Variants in PCDH9 observed in about 807,000 individuals in gnomAD.
The protein encoded by PCDH9 is protocadherin 9.
Under a neutral mutation model 70.6 loss-of-function variants are expected in PCDH9, and 24 were observed. That is an observed-to-expected ratio of 0.34 (90% CI 0.25 to 0.48). The LOEUF is 0.48. PCDH9 is among the 20% of genes least tolerant of loss of function. PCDH9 has a pLI of 0.99. For missense variants in PCDH9, 1,281 were observed against 1,503.6 expected (o/e 0.85, Z 2.45); for synonymous variants, 562 against 558.5 (o/e 1.01, Z -0.09).
intron 2 of PCDH9, among the ~76,000 whole-genome samples, chr13:67,145,421 T>C (rs980525204): frequency 6.6e-6 from 1 of 152,024 alleles, no homozygotes; most frequent in African/African-American, 2.4e-5. Flanking sequence ...TGAGGGATTT[T>C]GTGCACCTCA....
rs919590295 is a variant in PCDH9 at position 66,604,267 on chromosome 13, T to C, written c.3340+26943A>G. ...TTCTTTTTCAGGTTGAAATACATAT[T>C]TTTGTCAATGCACCTGGCTGAACAT... On this transcript the variant is annotated intron_variant, in intron 4 of 4. Coordinates refer to ENST00000377865, the MANE Select transcript of PCDH9 (RefSeq NM_203487.3). 3.3e-5 allele frequency among the ~76,000 whole-genome samples: 5 copies of C among 152,092 alleles called. No individual in the cohort carries two copies. The South Asian group carries it at 1.0e-3, about 32-fold the overall frequency.
intron 3 of PCDH9, among the ~76,000 whole-genome samples, chr13:66,726,945 G>A (rs2079013271): frequency 6.6e-6 from 1 of 152,078 alleles, no homozygotes; most frequent in South Asian, 2.1e-4. Flanking sequence ...AAATTCCTAA[G>A]TATTTGGATT....
intron 2 of PCDH9, among the ~76,000 whole-genome samples, chr13:67,069,077 T>C (rs1369857795): frequency 6.6e-6 from 1 of 152,192 alleles, no homozygotes; most frequent in Non-Finnish European, 1.5e-5. Flanking sequence ...AACATTTATA[T>C]TGAAAGGAAC....
intron 2 of PCDH9, among the ~76,000 whole-genome samples, chr13:66,936,508 A>G (rs1276821307): frequency 6.6e-6 from 1 of 152,208 alleles, no homozygotes; most frequent in Non-Finnish European, 1.5e-5. Flanking sequence ...GTTGGGTGAC[A>G]AAATTAAAAT....
chr13:66,642,420 A>T (rs2077720550), intron 3 of PCDH9, among the ~76,000 whole-genome samples: 1 of 152,050 alleles, frequency 6.6e-6, no homozygotes. Context: ...AGAATTCATC[A>T]TATGCAATTG....
chr13:66,852,958 AAACGCAG>A (rs945987839), intron 3 of PCDH9, among the ~76,000 whole-genome samples: 2 of 152,102 alleles, frequency 1.3e-5, no homozygotes, highest in Non-Finnish European at 2.9e-5. Context: ...GAGACACAGC[AAACGCAG>A]AAGGAAAAAA....
chr13:66,366,551 A>T (rs555110814), intron 4 of PCDH9, among the ~76,000 whole-genome samples: 19 of 152,048 alleles, frequency 1.2e-4, no homozygotes, highest in African/African-American at 4.6e-4. Context: ...GAACTATGAG[A>T]CTTTTTAATA....
intron 2 of PCDH9, among the ~76,000 whole-genome samples, chr13:66,932,681 T>TATATATATATATATATATATATACAC (rs1313632174): frequency 5.1e-4 from 58 of 114,798 alleles, no homozygotes; most frequent in African/African-American, 1.7e-3. Flanking sequence ...TATATATATA[T>TATATATATATATATATATATATACAC]ACACACACAC....
chr13:66,682,179 C>A (rs1192551863), intron 3 of PCDH9, among the ~76,000 whole-genome samples: 1 of 151,896 alleles, frequency 6.6e-6, no homozygotes, highest in East Asian at 1.9e-4. Flanking sequence ...TTTCCCCAAT[C>A]ATCCCTGCTC....
chr13:66,537,606 T>A (rs1200310892), intron 4 of PCDH9, among the ~76,000 whole-genome samples: 1 of 152,004 alleles, frequency 6.6e-6, no homozygotes, highest in African/African-American at 2.4e-5. Context: ...GTGGGAGATA[T>A]GTGGGGTAAT....
intron 3 of PCDH9, among the ~76,000 whole-genome samples, chr13:66,815,159 A>C (rs966361917): frequency 3.9e-5 from 6 of 152,218 alleles, no homozygotes; most frequent in African/African-American, 1.4e-4. Context: ...GCCAACAAGC[A>C]TATGAAAAAA....
intron 3 of PCDH9, among the ~76,000 whole-genome samples, chr13:66,699,976 T>C (rs917218609): frequency 3.3e-5 from 5 of 152,176 alleles, no homozygotes; most frequent in African/African-American, 1.2e-4. Flanking sequence ...TACCTTTTAT[T>C]GTTACCTATA....
At chr13:66,430,994 A>T (rs1324302708) in intron 4 of PCDH9, among the ~76,000 whole-genome samples, 1 of 152,128 alleles carries the variant, frequency 6.6e-6, no homozygotes, top group Non-Finnish European at 1.5e-5. Flanking sequence ...GATACTCATC[A>T]GTGCATTAAA....
At chr13:67,043,319 T>C (rs1328851506) in intron 2 of PCDH9, among the ~76,000 whole-genome samples, 2 of 152,132 alleles carry the variant, frequency 1.3e-5, no homozygotes, top group Admixed American at 1.3e-4. Flanking sequence ...AGAGTGATTG[T>C]GGCATGAAGC....
At chr13:67,094,039 TA>T (rs948034287) in intron 2 of PCDH9, among the ~76,000 whole-genome samples, 3 of 151,990 alleles carry the variant, frequency 2.0e-5, no homozygotes, top group African/African-American at 7.3e-5. Flanking sequence ...GCTGATTTAA[TA>T]AAAAAAATCT....
chr13:66,851,162 C>T (rs2081308612), intron 3 of PCDH9, among the ~76,000 whole-genome samples: 1 of 152,160 alleles, frequency 6.6e-6, no homozygotes, highest in African/African-American at 2.4e-5. Context: ...AAAATACATG[C>T]TGCCCTTAGA....
intron 4 of PCDH9, among the ~76,000 whole-genome samples, chr13:66,572,833 T>G (rs1471315223): frequency 1.3e-5 from 2 of 152,052 alleles, no homozygotes; most frequent in African/African-American, 2.4e-5. Context: ...GATCACAGCT[T>G]ACTGCAGCCT....
chr13:66,719,478 A>C (rs1218742798), intron 3 of PCDH9, among the ~76,000 whole-genome samples: 1 of 152,156 alleles, frequency 6.6e-6, no homozygotes, highest in Non-Finnish European at 1.5e-5. Flanking sequence ...ACTCAGTAAC[A>C]AGGTACACTC....
chr13:67,032,460 G>A (rs755192103), intron 2 of PCDH9, among the ~76,000 whole-genome samples: 31 of 151,960 alleles, frequency 2.0e-4, no homozygotes, highest in Non-Finnish European at 4.0e-4. Flanking sequence ...CACAGTGCCC[G>A]GTCAACATCA....
Sources: gnomAD v4.1 joint callset for allele counts (sites outside exome capture counted in the v4.1 genomes callset) on GRCh38, gnomAD v4.1.1 for gene constraint, MANE v1.5 for transcripts, NCBI Gene and HGNC (gene_info 2026-07-23, HGNC 2026-07-21) for gene names.